NSMCE2: variants seen among roughly 807,000 people sequenced by gnomAD.
The protein encoded by NSMCE2 is NSE2 SUMO ligase component of SMC5/6 complex, also known as E3 SUMO-protein ligase NSE2.
In NSMCE2, 24 loss-of-function variants were observed where a neutral mutation model predicts 23.8. The ratio of observed to expected loss-of-function variants is 1.01; its 90% CI spans 0.73 to 1.42. The LOEUF (loss-of-function observed/expected upper bound fraction) is 1.42, where lower values mean the gene tolerates loss of function less well. Ranked by LOEUF, NSMCE2 falls within the 40% of genes most tolerant of loss-of-function variation. NSMCE2 has a pLI of 0.00. For synonymous variants in NSMCE2, 92 were observed against 94.1 expected (o/e 0.98, Z 0.13); for missense variants, 284 against 296.5 (o/e 0.96, Z 0.31).
chr8:125,245,406 AACTT>A (rs1401145347), intron 5 of NSMCE2, among the ~76,000 whole-genome samples: 1 of 152,222 alleles, frequency 6.6e-6, no homozygotes, highest in Non-Finnish European at 1.5e-5. Context: ...TTAAAAAAGA[AACTT>A]ATCTATAACA....
At chr8:125,324,084 C>CT (rs1281870864) in intron 5 of NSMCE2, among the ~76,000 whole-genome samples, 4 of 152,286 alleles carry the variant, frequency 2.6e-5, no homozygotes, top group African/African-American at 9.6e-5. Context: ...TGCTCAGCCT[C>CT]TTTTAGTCAT....
intron 5 of NSMCE2, among the ~76,000 whole-genome samples, chr8:125,253,644 G>T (rs540995170): frequency 1.3e-5 from 2 of 152,228 alleles, no homozygotes; most frequent in South Asian, 4.1e-4. Flanking sequence ...CTTCATCTTG[G>T]TTTGTATTGT....
At chr8:125,206,465 A>G (rs1318587774) in intron 5 of NSMCE2, among the ~76,000 whole-genome samples, 3 of 152,244 alleles carry the variant, frequency 2.0e-5, no homozygotes, top group African/African-American at 7.2e-5. Flanking sequence ...ACAGGGGTTT[A>G]GTCAAGTACT....
At chr8:125,326,124 G>A (rs955594714) in intron 5 of NSMCE2, among the ~76,000 whole-genome samples, 2 of 151,924 alleles carry the variant, frequency 1.3e-5, no homozygotes, top group African/African-American at 2.4e-5. Context: ...GGGTGCGGTG[G>A]CAGGCGCCTG....
At chr8:125,337,401 A>G (rs764425852) in intron 5 of NSMCE2, among the ~76,000 whole-genome samples, 17 of 152,226 alleles carry the variant, frequency 1.1e-4, no homozygotes, top group Non-Finnish European at 2.4e-4. Flanking sequence ...TGTTAGTAAT[A>G]ACCACATTGC....
intron 5 of NSMCE2, among the ~76,000 whole-genome samples, chr8:125,217,663 G>A (rs1227823117): frequency 2.0e-5 from 3 of 152,108 alleles, no homozygotes; most frequent in South Asian, 4.1e-4. Context: ...ACCGCGCCTG[G>A]CCCTGATCAC....
chr8:125,198,526 C>A (rs150492321), intron 5 of NSMCE2, among the ~76,000 whole-genome samples: 2,738 of 152,298 alleles, frequency 0.018, 78 homozygotes, highest in African/African-American at 0.063. Flanking sequence ...CCTTGCATCC[C>A]AGGGATGAAG....
chr8:125,327,340 G>C (rs571563723), intron 5 of NSMCE2, among the ~76,000 whole-genome samples: 26 of 151,342 alleles, frequency 1.7e-4, no homozygotes, highest in Middle Eastern at 3.5e-3. Flanking sequence ...CTGAATGAAT[G>C]TAGTATAATT....
In NSMCE2 at chr8:125,190,076, A is replaced by G. The variant is rs187279117; in HGVS notation, c.418+7820A>G. Among the ~76,000 whole-genome samples the G allele has an allele frequency of 5.7e-4, 87 of 152,300 alleles. 1 individual carries two copies. In the East Asian group the frequency reaches 0.015, roughly 26 times the overall value. ...AAAAATCTTAAATGTCACAACCAAG[A>G]TGGACTTTTTCAGGCTGGATTGCAT... On this transcript the variant is annotated intron_variant, in intron 5 of 7. Transcript: ENST00000287437.
intron 5 of NSMCE2, among the ~76,000 whole-genome samples, chr8:125,228,860 G>A (rs893321264): frequency 5.3e-5 from 8 of 152,104 alleles, no homozygotes; most frequent in Non-Finnish European, 8.8e-5. Flanking sequence ...TATGTATGTG[G>A]CCACTCACAG....
intron 5 of NSMCE2, among the ~76,000 whole-genome samples, chr8:125,297,707 C>T (rs547019753): frequency 1.3e-5 from 2 of 151,184 alleles, no homozygotes; most frequent in South Asian, 4.2e-4. Flanking sequence ...TAATAGCGTG[C>T]GCCTGTAGTC....
intron 5 of NSMCE2, among the ~76,000 whole-genome samples, chr8:125,222,507 A>C (rs35114839): frequency 0.21 from 31,166 of 151,884 alleles, 4,082 homozygotes; most frequent in African/African-American, 0.36. Context: ...CAACATCTCC[A>C]CATTTTCCCA....
chr8:125,242,487 C>G (rs1825799657), intron 5 of NSMCE2, among the ~76,000 whole-genome samples: 1 of 152,036 alleles, frequency 6.6e-6, no homozygotes, highest in Non-Finnish European at 1.5e-5. Context: ...GTCTTTATCA[C>G]TGCAGACCAC....
chr8:125,278,601 G>A (rs1827566159), intron 5 of NSMCE2, among the ~76,000 whole-genome samples: 3 of 152,208 alleles, frequency 2.0e-5, no homozygotes, highest in African/African-American at 7.2e-5. Flanking sequence ...TGATGATATG[G>A]TAGAGGTGTT....
chr8:125,166,663 T>G (rs567498127), intron 4 of NSMCE2, among the ~76,000 whole-genome samples: 18 of 152,290 alleles, frequency 1.2e-4, no homozygotes, highest in African/African-American at 4.3e-4. Context: ...CTTTGATTCT[T>G]AAGATCCTCT....
intron 5 of NSMCE2, among the ~76,000 whole-genome samples, chr8:125,218,984 T>C (rs888079764): frequency 1.3e-5 from 2 of 152,168 alleles, no homozygotes; most frequent in Non-Finnish European, 1.5e-5. Context: ...TTCTGCAGTT[T>C]TTGCTAGGTA....
intron 5 of NSMCE2, among the ~76,000 whole-genome samples, chr8:125,342,267 T>C (rs1005399037): frequency 2.0e-5 from 3 of 152,180 alleles, no homozygotes; most frequent in Admixed American, 1.3e-4. Flanking sequence ...CACCTTTGGG[T>C]GTGGGTAAGG....
intron 7 of NSMCE2, among the ~76,000 whole-genome samples, chr8:125,366,555 C>T (rs1813804424): frequency 6.6e-6 from 1 of 152,108 alleles, no homozygotes; most frequent in South Asian, 2.1e-4. Flanking sequence ...CATGATAAGG[C>T]AGGCACTACT....
In NSMCE2 at chr8:125,106,235, A is replaced by G. The variant is rs1031565454; in HGVS notation, c.157+3748A>G. 6.6e-5 allele frequency among the ~76,000 whole-genome samples: 10 copies of G among 152,244 alleles called. No individual in the cohort carries two copies. In the East Asian group the frequency reaches 9.6e-4, roughly 15 times the overall value. On this transcript the variant is annotated intron_variant, in intron 3 of 7. Transcript: ENST00000287437. ...ACCATCTTAGTGGGAAGACAAACAC[A>G]TATTAAAATACTAAAACAATGAGAA...
Sources: allele counts gnomAD v4.1 joint callset (sites outside exome capture counted in the v4.1 genomes callset), GRCh38; gene constraint gnomAD v4.1.1; transcripts MANE v1.5; gene names NCBI Gene and HGNC (gene_info 2026-07-23, HGNC 2026-07-21).